Variants in NBAS observed in about 807,000 individuals in gnomAD.
NBAS encodes the protein NBAS subunit of NRZ tethering complex.
A neutral mutation model predicts 302.5 loss-of-function variants in NBAS; 219 were observed. That is an observed-to-expected ratio of 0.72 (90% CI 0.65 to 0.81). The LOEUF (loss-of-function observed/expected upper bound fraction) is 0.81, where lower values mean the gene tolerates loss of function less well. Among genes scored for constraint, NBAS ranks in the 30% least tolerant of loss-of-function variants. NBAS has a pLI of 0.00. For missense variants in NBAS, 2,932 were observed against 2,841.6 expected (o/e 1.03, Z -0.72); for synonymous variants, 1,118 against 1,021.6 (o/e 1.09, Z -1.80).
chr2:14,976,102 A>C, the NBAS span, among the ~76,000 whole-genome samples: 452 of 152,312 alleles, frequency 3.0e-3, 1 homozygote, highest in African/African-American at 0.011. Context: ...CCCTAGGAAT[A>C]ATGGGGGCAG....
In NBAS at chr2:15,553,485, A is replaced by T; in HGVS notation, c.288-12T>A. 1 of 1,607,180 alleles carries T rather than the reference A, an allele frequency of 6.2e-7. No individual in the cohort carries two copies. Among genetic ancestry groups the T allele is most frequent in the Non-Finnish European group, 8.5e-7 (1 of 1,173,806 alleles). On this transcript the variant is annotated splice_polypyrimidine_tract_variant and intron_variant, in intron 4 of 51. Transcript: ENST00000281513. ...AAAGCTTTCCATTGCTTTTATGGAG[A>T]AGAAAGAGGGGGAAGAAAATCTATT...
chr2:15,025,016 T>C, the NBAS span, among the ~76,000 whole-genome samples: 2 of 152,194 alleles, frequency 1.3e-5, no homozygotes, highest in African/African-American at 2.4e-5. Context: ...GCTTTTGATG[T>C]TTTCATCATA....
At chr2:15,251,818 C>T (rs185458332) in intron 44 of NBAS, among the ~76,000 whole-genome samples, 134 of 152,184 alleles carry the variant, frequency 8.8e-4, no homozygotes, top group African/African-American at 3.2e-3. Context: ...TATCTTGTGC[C>T]GACTTCCTGT....
chr2:15,247,701 T>TCTATATATATAC lies in NBAS; in HGVS notation c.5725-9016_5725-9015insGTATATATATAG, dbSNP rs1356210217. 5.5e-5 allele frequency among the ~76,000 whole-genome samples: 8 copies of TCTATATATATAC among 146,210 alleles called. No individual in the cohort carries two copies. In the East Asian group the frequency reaches 1.6e-3, roughly 30 times the overall value. On this transcript the variant is annotated intron_variant, in intron 44 of 51. Transcript: ENST00000281513. Reference sequence around the variant, plus strand: ...CTCTCTATATATATATCTATATATCTCTCTATATATATCTATATATACCTC... The same window carrying TCTATATATATAC: ...CTCTCTATATATATATCTATATATCTCTATATATATACCTCTATATATATCTATATATACCTC...
At chr2:14,925,204 T>C in the NBAS span, among the ~76,000 whole-genome samples, 1 of 152,226 alleles carries the variant, frequency 6.6e-6, no homozygotes, top group Non-Finnish European at 1.5e-5. Flanking sequence ...AATTATGTAC[T>C]GATAATAATT....
At chr2:15,032,174 G>A in the NBAS span, among the ~76,000 whole-genome samples, 1 of 152,186 alleles carries the variant, frequency 6.6e-6, no homozygotes, top group African/African-American at 2.4e-5. Context: ...TTGTGACTGA[G>A]ACAGAAATTG....
At chr2:15,539,063 A>C (rs551674705) in intron 7 of NBAS, among the ~76,000 whole-genome samples, 160 bp downstream of exon 7, 10 of 152,346 alleles carry the variant, frequency 6.6e-5, no homozygotes, top group Admixed American at 5.2e-4. Flanking sequence ...TAACTATTGC[A>C]TGCATACAGA....
chr2:15,062,239 T>G, the NBAS span, among the ~76,000 whole-genome samples: 3 of 152,206 alleles, frequency 2.0e-5, no homozygotes, highest in African/African-American at 7.2e-5. Flanking sequence ...CTGCCACAAC[T>G]TTGGATCAGA....
the NBAS span, among the ~76,000 whole-genome samples, chr2:14,874,681 C>A: frequency 4.9e-5 from 7 of 143,294 alleles, no homozygotes; most frequent in African/African-American, 2.0e-4. Flanking sequence ...GAAGCAAAAA[C>A]CACAAACCAT....
At chr2:14,849,467 A>C in the NBAS span, among the ~76,000 whole-genome samples, 3 of 151,906 alleles carry the variant, frequency 2.0e-5, no homozygotes, top group Non-Finnish European at 4.4e-5. Context: ...GTGTACCTGA[A>C]AGTGATGCGG....
the NBAS span, among the ~76,000 whole-genome samples, chr2:14,934,456 T>C: frequency 6.6e-6 from 1 of 152,180 alleles, no homozygotes; most frequent in East Asian, 1.9e-4. Context: ...ACTCCTTTTC[T>C]ATAAGTCTAT....
chr2:15,370,972 GC>G (rs1184532649), intron 31 of NBAS, among the ~76,000 whole-genome samples: 1 of 152,024 alleles, frequency 6.6e-6, no homozygotes. Flanking sequence ...TCTAGAAGGG[GC>G]CGGGGTGAAA....
At chr2:15,475,401 C>G (rs995689841) in intron 14 of NBAS, among the ~76,000 whole-genome samples, 1 of 151,866 alleles carries the variant, frequency 6.6e-6, no homozygotes, top group Non-Finnish European at 1.5e-5. Flanking sequence ...GTACTGATAC[C>G]ATTCTACATT....
Position 15,561,246 on chromosome 2 carries a change from T to G in NBAS, c.59A>C (p.Glu20Ala). ...GACCAACAAGTCATAGAGAATCGTC[T>G]CCTCCTCACCCTCTGCAGTGCCTGG... ...LSPGTAEGEE[E>A]TILYDLLVNT... The change falls in exon 1 of 52, where the codon GAG (glutamate) becomes GCG (alanine). Residue 20 changes from glutamate (E) to alanine (A), a missense_variant. Coordinates refer to ENST00000281513, the MANE Select transcript of NBAS (RefSeq NM_015909.4). 6.2e-7 allele frequency: 1 copy of G among 1,613,968 alleles called. No individual in the cohort carries two copies. Among genetic ancestry groups the G allele is most frequent in the South Asian group, 1.1e-5 (1 of 91,064 alleles).
chr2:14,845,507 T>C, the NBAS span, among the ~76,000 whole-genome samples: 1 of 152,128 alleles, frequency 6.6e-6, no homozygotes, highest in African/African-American at 2.4e-5. Context: ...GAGATGAACA[T>C]CCACAAGCAT....
the NBAS span, among the ~76,000 whole-genome samples, chr2:14,824,695 A>G: frequency 1.3e-5 from 2 of 152,158 alleles, no homozygotes; most frequent in Non-Finnish European, 2.9e-5. Context: ...TGGTCTATAA[A>G]AAGCACCAAA....
chr2:15,197,234 A>C (rs1476053014), intron 48 of NBAS, among the ~76,000 whole-genome samples: 2 of 152,230 alleles, frequency 1.3e-5, no homozygotes, highest in Non-Finnish European at 2.9e-5. Flanking sequence ...AGGACTGTAC[A>C]GAGGCTTCCT....
At chr2:15,483,364 A>C (rs1486848844) in intron 12 of NBAS, 1 of 436,866 alleles carries the variant, frequency 2.3e-6, no homozygotes, top group African/African-American at 2.0e-5. Flanking sequence ...AGATTAGTCC[A>C]ACACCTACTA....
chr2:15,339,076 C>A (rs1672730612), intron 35 of NBAS, among the ~76,000 whole-genome samples: 1 of 152,106 alleles, frequency 6.6e-6, no homozygotes, highest in East Asian at 1.9e-4. Context: ...AGGCCAAACC[C>A]TTCTTGGATG....
Sources: gnomAD v4.1 joint callset for allele counts (sites outside exome capture counted in the v4.1 genomes callset) on GRCh38, gnomAD v4.1.1 for gene constraint, MANE v1.5 for transcripts, NCBI Gene and HGNC (gene_info 2026-07-23, HGNC 2026-07-21) for gene names.